Variants in CDK14 observed in about 807,000 individuals in gnomAD.
The protein encoded by CDK14 is cyclin-dependent kinase 14.
Under a neutral mutation model 60.7 loss-of-function variants are expected in CDK14, and 34 were observed. The ratio of observed to expected loss-of-function variants is 0.56; its 90% CI spans 0.43 to 0.75. The LOEUF is 0.75. Among genes scored for constraint, CDK14 ranks in the 30% least tolerant of loss-of-function variants. The probability of loss-of-function intolerance (pLI) is 0.00; values close to 1 mark genes in which losing one functional copy is unlikely to be tolerated. For synonymous variants in CDK14, 197 were observed against 203.7 expected, an observed-to-expected ratio of 0.97 and a Z score of 0.28; for missense variants, 482 against 564.1, an observed-to-expected ratio of 0.85 and a Z score of 1.47.
chr7:90,863,967 A>G (rs765092071), intron 6 of CDK14, among the ~76,000 whole-genome samples: 1 of 152,044 alleles, frequency 6.6e-6, no homozygotes, highest in Non-Finnish European at 1.5e-5. Flanking sequence ...TAACATCCCA[A>G]TTTTCACAGA....
intron 10 of CDK14, among the ~76,000 whole-genome samples, chr7:91,010,574 G>T (rs956158245): frequency 1.8e-4 from 27 of 151,742 alleles, no homozygotes; most frequent in African/African-American, 3.6e-4. Context: ...AATGAAATTG[G>T]TTTTTTTATA....
At chr7:90,835,225 A>G (rs989232651) in intron 5 of CDK14, among the ~76,000 whole-genome samples, 3 of 152,186 alleles carry the variant, frequency 2.0e-5, no homozygotes, top group African/African-American at 7.2e-5. Flanking sequence ...GTGGGAGGTG[A>G]TAGAGGAATT....
intron 2 of CDK14, chr7:90,709,687 A>G: frequency 1.2e-5 from 18 of 1,546,080 alleles, no homozygotes; most frequent in Non-Finnish European, 1.6e-5. Flanking sequence ...ATTGATACTG[A>G]ATGTTAGCAT....
At chr7:91,124,149 A>G (rs1312996183) in intron 14 of CDK14, among the ~76,000 whole-genome samples, 1 of 152,014 alleles carries the variant, frequency 6.6e-6, no homozygotes, top group Non-Finnish European at 1.5e-5. Context: ...TCGCCTCACA[A>G]AGTGTTGGGA....
At chr7:90,835,105 T>C (rs1790048627) in intron 5 of CDK14, among the ~76,000 whole-genome samples, 1 of 151,960 alleles carries the variant, frequency 6.6e-6, no homozygotes, top group South Asian at 2.1e-4. Flanking sequence ...AACAAGAAGA[T>C]AAAGGCATTG....
At chr7:91,133,090 A>G (rs1442200770) in intron 14 of CDK14, among the ~76,000 whole-genome samples, 1 of 152,188 alleles carries the variant, frequency 6.6e-6, no homozygotes, top group Non-Finnish European at 1.5e-5. Flanking sequence ...AAAAATGGAA[A>G]AGCGAGTTTC....
chr7:90,666,483 T>C (rs1800982356), intron 2 of CDK14: 1 of 152,244 alleles, frequency 6.6e-6, no homozygotes, highest in Non-Finnish European at 1.5e-5. Context: ...TTTGGATGAC[T>C]TGTTGCACAT....
At chr7:90,971,753 T>TA (rs1451496850) in intron 9 of CDK14, among the ~76,000 whole-genome samples, 1 of 151,910 alleles carries the variant, frequency 6.6e-6, no homozygotes, top group African/African-American at 2.4e-5. Flanking sequence ...GCCATTTCAT[T>TA]AAAAAATAAT....
intron 2 of CDK14, among the ~76,000 whole-genome samples, chr7:90,720,313 A>T (rs983667940): frequency 2.6e-5 from 4 of 152,148 alleles, no homozygotes; most frequent in Non-Finnish European, 5.9e-5. Context: ...GAGACAAGTC[A>T]TGGCTTGGTG....
chr7:91,074,319 A>G lies in CDK14; in HGVS notation c.1106-5113A>G, dbSNP rs550412172. ...AAACATTCTCTCAGACCACAGTACAATCAAATTAGATCTCAGGATTAAGAA... is the reference window on the plus strand; with the variant it reads ...AAACATTCTCTCAGACCACAGTACAGTCAAATTAGATCTCAGGATTAAGAA... On this transcript the variant is annotated intron_variant, in intron 11 of 14. Transcript: ENST00000380050. Among the ~76,000 whole-genome samples the G allele has an allele frequency of 2.6e-5, 4 of 152,368 alleles. 1 individual carries two copies. The highest frequency in any genetic ancestry group is 3.9e-4 in the East Asian group (2 of 5,190).
At chr7:90,949,309 C>T (rs189449420) in intron 8 of CDK14, among the ~76,000 whole-genome samples, 214 of 152,000 alleles carry the variant, frequency 1.4e-3, no homozygotes, top group African/African-American at 4.8e-3. Context: ...TTAAGTGATT[C>T]TCTGTCTCCG....
At chr7:91,017,525 C>T (rs766108059) in intron 10 of CDK14, among the ~76,000 whole-genome samples, 18 of 152,150 alleles carry the variant, frequency 1.2e-4, no homozygotes, top group Non-Finnish European at 2.2e-4. Context: ...AACAAGGTAT[C>T]TCCAGGTCAG....
intron 10 of CDK14, among the ~76,000 whole-genome samples, chr7:91,009,276 A>T (rs1796084145): frequency 6.6e-6 from 1 of 152,092 alleles, no homozygotes; most frequent in Admixed American, 6.5e-5. Flanking sequence ...TCACCTGTTG[A>T]TGGACATTTT....
intron 10 of CDK14, among the ~76,000 whole-genome samples, chr7:90,999,273 G>A (rs1795776049): frequency 2.0e-5 from 3 of 151,928 alleles, no homozygotes; most frequent in Admixed American, 2.0e-4. Flanking sequence ...GTATAATAGG[G>A]GATCAAGCTG....
intron 12 of CDK14, among the ~76,000 whole-genome samples, chr7:91,107,061 C>G (rs1049473235): frequency 6.6e-6 from 1 of 152,134 alleles, no homozygotes; most frequent in African/African-American, 2.4e-5. Context: ...ATGGGTAAAC[C>G]TAGGGAACTT....
At chr7:90,963,063 G>A (rs964761053) in intron 9 of CDK14, among the ~76,000 whole-genome samples, 1 of 147,234 alleles carries the variant, frequency 6.8e-6, no homozygotes, top group Non-Finnish European at 1.5e-5. Context: ...ATAATTTTTG[G>A]CCCAGGATAT....
At chr7:90,986,042 C>T (rs1167068233) in intron 10 of CDK14, among the ~76,000 whole-genome samples, 1 of 151,968 alleles carries the variant, frequency 6.6e-6, no homozygotes, top group Non-Finnish European at 1.5e-5. Flanking sequence ...CATATATCTT[C>T]TATAGAGTTT....
intron 14 of CDK14, among the ~76,000 whole-genome samples, chr7:91,197,139 C>T (rs1181921824): frequency 6.6e-6 from 1 of 152,164 alleles, no homozygotes; most frequent in Non-Finnish European, 1.5e-5. Flanking sequence ...GTGGCTCACT[C>T]CTGTAATCCC....
chr7:90,799,655 G>A (rs144764030), intron 5 of CDK14, among the ~76,000 whole-genome samples: 11 of 126,186 alleles, frequency 8.7e-5, no homozygotes, highest in South Asian at 5.0e-4. Flanking sequence ...GCGCCACTGC[G>A]CTCCAGCCTG....
Sources: gnomAD v4.1 joint callset for allele counts (sites outside exome capture counted in the v4.1 genomes callset) on GRCh38, gnomAD v4.1.1 for gene constraint, MANE v1.5 for transcripts, NCBI Gene and HGNC (gene_info 2026-07-23, HGNC 2026-07-21) for gene names.